The following SPINK13 variants were observed in gnomAD, a reference collection of about 807,000 sequenced individuals.
SPINK13 encodes the protein serine protease inhibitor Kazal-type 13.
Under a neutral mutation model 11.0 loss-of-function variants are expected in SPINK13, and 11 were observed. The observed-to-expected ratio is 1.00, with a 90% CI of 0.63 to 1.65. SPINK13 has a LOEUF of 1.65. Among genes scored for constraint, SPINK13 ranks in the 40% most tolerant of loss-of-function variants. The pLI is 0.00. For synonymous variants in SPINK13, 31 were observed against 35.6 expected (o/e 0.87, Z 0.46); for missense variants, 113 against 117.7 (o/e 0.96, Z 0.19).
intron 4 of SPINK13, among the ~76,000 whole-genome samples, chr5:148,284,842 A>C (rs1225273351): frequency 6.6e-6 from 1 of 152,188 alleles, no homozygotes; most frequent in Non-Finnish European, 1.5e-5. Context: ...CTCTGTCCTT[A>C]ATGAATCCCT....
intron 3 of SPINK13, among the ~76,000 whole-genome samples, chr5:148,275,269 A>G (rs866717246): frequency 1.8e-4 from 28 of 152,140 alleles, no homozygotes; most frequent in African/African-American, 6.0e-4. Context: ...TTTGCTGAGA[A>G]TGATGGTTTC....
rs1391266361 is a variant in SPINK13 at position 148,282,137 on chromosome 5, G to A, written c.142G>A (p.Asp48Asn). The A allele has an allele frequency of 2.5e-6, 4 of 1,614,208 alleles. No individual in the cohort carries two copies. The highest frequency in any genetic ancestry group is 3.4e-6 in the Non-Finnish European group (4 of 1,180,030). The change falls in exon 4 of 5, where the codon GAT becomes AAT. Residue 48 changes from aspartate to asparagine, a missense_variant. Asp to Asn is a conservative substitution (Grantham distance 23). Transcript: ENST00000398450. ...TAAAATGTATATCCCACTGGACCCT[G>A]ATTACAATGCAGACTGCCCCAATGT... ...RCKMYIPLDPDYNADCPNVTA... is the reference protein window; with the variant it reads ...RCKMYIPLDPNYNADCPNVTA...
chr5:148,280,557 G>T (rs1265114320), intron 3 of SPINK13, among the ~76,000 whole-genome samples: 1 of 152,152 alleles, frequency 6.6e-6, no homozygotes, highest in Admixed American at 6.5e-5. Flanking sequence ...TCTGCAGGTT[G>T]GCTGGAGTTT....
rs1164932498 is a variant in SPINK13 at position 148,282,186 on chromosome 5, A to G, written c.191A>G (p.Asn64Ser). Residue 64 changes from asparagine to serine, a missense_variant, in exon 4 of 5, where the codon AAT (asparagine) becomes AGT (serine). Physicochemically the swap from Asn to Ser is conservative, Grantham distance 46. Coordinates refer to ENST00000398450, the MANE Select transcript of SPINK13 (RefSeq NM_001040129.3). ...GTGACAGCACCTGTTTGTGCCTCAAATGGCCACACTTTCCAGAATGAGTGT... is the reference window on the plus strand; with the variant it reads ...GTGACAGCACCTGTTTGTGCCTCAAGTGGCCACACTTTCCAGAATGAGTGT... ...PNVTAPVCASNGHTFQNECFF... is the reference protein window; with the variant it reads ...PNVTAPVCASSGHTFQNECFF... 6.2e-7 allele frequency: 1 copy of G among 1,614,184 alleles called. No individual in the cohort carries two copies. The highest frequency in any genetic ancestry group is 1.3e-5 in the African/African-American group (1 of 75,054).
intron 3 of SPINK13, among the ~76,000 whole-genome samples, chr5:148,278,672 G>A (rs1756468460): frequency 6.6e-6 from 1 of 152,102 alleles, no homozygotes; most frequent in African/African-American, 2.4e-5. Context: ...CATTTGCTGA[G>A]GAGTGTTTTA....
intron 3 of SPINK13, among the ~76,000 whole-genome samples, chr5:148,276,195 C>T (rs1756425976): frequency 6.6e-6 from 1 of 152,058 alleles, no homozygotes; most frequent in African/African-American, 2.4e-5. Flanking sequence ...TAGATATTAG[C>T]CGTTTGTCAG....
chr5:148,281,813 T>A (rs1345091763), intron 3 of SPINK13, among the ~76,000 whole-genome samples: 1 of 152,180 alleles, frequency 6.6e-6, no homozygotes, highest in African/African-American at 2.4e-5. Flanking sequence ...CCTCTAGAAG[T>A]TCACAAACAC....
intron 2 of SPINK13, among the ~76,000 whole-genome samples, chr5:148,273,510 A>G (rs1756380292): frequency 6.6e-6 from 1 of 151,988 alleles, no homozygotes. Flanking sequence ...CTTTTCTTAT[A>G]ACTATATCCA....
chr5:148,277,935 C>T (rs1018882789), intron 3 of SPINK13, among the ~76,000 whole-genome samples: 1 of 152,126 alleles, frequency 6.6e-6, no homozygotes. Context: ...CTATTAATTA[C>T]TGCCTGTATT....
chr5:148,281,471 T>C (rs1450504944), intron 3 of SPINK13, among the ~76,000 whole-genome samples: 2 of 152,144 alleles, frequency 1.3e-5, no homozygotes, highest in Non-Finnish European at 2.9e-5. Context: ...GGGAAAAGCA[T>C]AGTATCTGGG....
chr5:148,269,835 GAAA>G (rs11435083), intron 1 of SPINK13, among the ~76,000 whole-genome samples: 2 of 148,804 alleles, frequency 1.3e-5, no homozygotes, highest in African/African-American at 4.9e-5. Context: ...GTTTTTGGCA[GAAA>G]AAAAAAAGTC....
intron 4 of SPINK13, among the ~76,000 whole-genome samples, chr5:148,283,241 C>T (rs1756543966): frequency 1.3e-5 from 2 of 152,176 alleles, no homozygotes; most frequent in South Asian, 4.1e-4. Flanking sequence ...ACCTACATGG[C>T]TGATCTTAAA....
At position 148,286,179 on chromosome 5, in the gene SPINK13, C is replaced by T. The variant is rs1756588605; in HGVS notation, c.*131C>T. ...CTTAAATGTCGAACAAAATGAGAGA[C>T]AAAAATGAAGGAATCAAACTGACAA... is the stretch of plus-strand genomic sequence containing the variant. On this transcript the variant is annotated 3_prime_UTR_variant, in exon 5 of 5. Transcript: ENST00000398450. The T allele has an allele frequency of 2.0e-6, 1 of 494,246 alleles. No individual in the cohort carries two copies. The highest frequency in any genetic ancestry group is 3.6e-5 in the East Asian group (1 of 28,100). The allele number at this position is 494,246 out of a possible 1,614,324, so 30.6% of individuals were successfully genotyped here. A position where few individuals can be genotyped will look rare whatever the true frequency, so the allele number is the denominator to read the frequency against.
intron 2 of SPINK13, among the ~76,000 whole-genome samples, chr5:148,272,437 T>G (rs1162914455): frequency 6.6e-6 from 1 of 152,234 alleles, no homozygotes; most frequent in Non-Finnish European, 1.5e-5. Flanking sequence ...TTTGTTTTCC[T>G]TCCAGAAGCC....
rs1430660556 is a variant in SPINK13 at position 148,286,151 on chromosome 5, G to A, written c.*103G>A. On this transcript the variant is annotated 3_prime_UTR_variant, in exon 5 of 5. Coordinates refer to ENST00000398450, the MANE Select transcript of SPINK13 (RefSeq NM_001040129.3). ...GTAAATTAAATAACATCCCTATGCTGTACTTAAATGTCGAACAAAATGAGA... is the reference window on the plus strand; with the variant it reads ...GTAAATTAAATAACATCCCTATGCTATACTTAAATGTCGAACAAAATGAGA... The A allele has an allele frequency of 3.1e-6, 2 of 648,920 alleles. No individual in the cohort carries two copies. Among genetic ancestry groups the A allele is most frequent in the Non-Finnish European group, 4.7e-6 (2 of 421,074 alleles). The allele number at this position is 648,920 out of a possible 1,614,324, so 40.2% of individuals were successfully genotyped here.
chr5:148,286,025 GA>G lies in SPINK13; in HGVS notation c.267del (p.Lys89AsnfsTer31). On this transcript the variant is annotated frameshift_variant, in exon 5 of 5. Coordinates refer to ENST00000398450, the MANE Select transcript of SPINK13 (RefSeq NM_001040129.3). LOFTEE classifies it high-confidence loss of function. ...QREFHYRIKFEKYGKCD is the reference protein window; with the variant it reads ...QREFHYRIKFXKYGKCD ...GGAATTTCATTATCGTATAAAATTT[GA>G]AAAATATGGAAAATGTGATTAATGG... The G allele has an allele frequency of 1.4e-6, 2 of 1,461,606 alleles. No individual in the cohort carries two copies. The highest frequency in any genetic ancestry group is 9.4e-7 in the Non-Finnish European group (1 of 1,068,246). 90.5% of individuals were successfully genotyped at this position (1,461,606 alleles called of 1,614,324 possible).
chr5:148,283,207 G>A (rs906517927), intron 4 of SPINK13, among the ~76,000 whole-genome samples: 1 of 152,060 alleles, frequency 6.6e-6, no homozygotes, highest in African/African-American at 2.4e-5. Context: ...TCTTTAATGG[G>A]GGTCAGTCAG....
chr5:148,283,227 G>A (rs1025663972), intron 4 of SPINK13, among the ~76,000 whole-genome samples: 2 of 152,124 alleles, frequency 1.3e-5, no homozygotes, highest in Admixed American at 1.3e-4. Context: ...GGTAGGCACA[G>A]AATACCTACA....
intron 4 of SPINK13, among the ~76,000 whole-genome samples, chr5:148,282,738 A>T (rs1344821575): frequency 6.6e-6 from 1 of 152,234 alleles, no homozygotes; most frequent in Admixed American, 6.5e-5. Context: ...AAAAATTGAC[A>T]GTCAACTTTT....
Sources: allele counts gnomAD v4.1 joint callset (sites outside exome capture counted in the v4.1 genomes callset), GRCh38; gene constraint gnomAD v4.1.1; transcripts MANE v1.5; gene names NCBI Gene and HGNC (gene_info 2026-07-23, HGNC 2026-07-21).